TOP6BL: variants seen among roughly 807,000 people sequenced by gnomAD.
The protein encoded by TOP6BL is type 2 DNA topoisomerase 6 subunit B-like.
chr11:66,761,578 C>T, the TOP6BL span: 1 of 1,157,524 alleles, frequency 8.6e-7, no homozygotes, highest in African/African-American at 1.6e-5. Flanking sequence ...GTCTGCTCTA[C>T]TGGCTCTTGA....
chr11:66,752,075 A>G, the TOP6BL span, among the ~76,000 whole-genome samples: 2 of 149,508 alleles, frequency 1.3e-5, no homozygotes, highest in African/African-American at 2.5e-5. Context: ...TCCCTTCATC[A>G]TTATTCAGAG....
the TOP6BL span, among the ~76,000 whole-genome samples, chr11:66,805,995 T>C: frequency 2.0e-5 from 3 of 152,190 alleles, no homozygotes; most frequent in Non-Finnish European, 2.9e-5. Flanking sequence ...ATAAAGAAGA[T>C]GAGTTTGACA....
the TOP6BL span, chr11:66,814,093 C>T: frequency 3.2e-5 from 46 of 1,425,294 alleles, no homozygotes; most frequent in African/African-American, 7.1e-5. Flanking sequence ...ATGAATAGAA[C>T]GTGTGTATAA....
At chr11:66,842,947 G>C in the TOP6BL span, 1 of 1,556,154 alleles carries the variant, frequency 6.4e-7, no homozygotes, top group Non-Finnish European at 8.7e-7. Flanking sequence ...GAGCCCGTCA[G>C]AGGCCGCCCC....
chr11:66,745,555 G>A, the TOP6BL span, among the ~76,000 whole-genome samples: 1 of 152,346 alleles, frequency 6.6e-6, no homozygotes, highest in East Asian at 1.9e-4. Flanking sequence ...CACGGCCGGT[G>A]CCCAATGGGA....
At chr11:66,788,081 A>C in the TOP6BL span, 1 of 977,480 alleles carries the variant, frequency 1.0e-6, no homozygotes, top group South Asian at 1.4e-5. Flanking sequence ...TTGGCTCACC[A>C]GTTTAATAAA....
the TOP6BL span, among the ~76,000 whole-genome samples, chr11:66,823,410 G>C: frequency 6.6e-6 from 1 of 151,708 alleles, no homozygotes; most frequent in African/African-American, 2.4e-5. Context: ...ATGCTACATA[G>C]TACCAGGCTT....
the TOP6BL span, among the ~76,000 whole-genome samples, chr11:66,802,155 C>T: frequency 2.6e-5 from 4 of 151,782 alleles, no homozygotes; most frequent in Non-Finnish European, 5.9e-5. Flanking sequence ...TGCTACCATA[C>T]GCTGCTAATT....
the TOP6BL span, chr11:66,828,322 C>T: frequency 6.2e-7 from 1 of 1,613,674 alleles, no homozygotes; most frequent in African/African-American, 1.3e-5. Flanking sequence ...GTGAGATCAC[C>T]CAACACCAAT....
the TOP6BL span, chr11:66,759,105 T>C: frequency 6.6e-7 from 1 of 1,513,006 alleles, no homozygotes; most frequent in Non-Finnish European, 9.0e-7. Flanking sequence ...AGGTAAAGAA[T>C]TACCTAACTT....
chr11:66,746,397 G>C, the TOP6BL span, among the ~76,000 whole-genome samples: 1 of 151,692 alleles, frequency 6.6e-6, no homozygotes, highest in Non-Finnish European at 1.5e-5. Context: ...GACCAGCCTG[G>C]CTAACATGAG....
chr11:66,834,418 T>G, the TOP6BL span, among the ~76,000 whole-genome samples: 1 of 152,174 alleles, frequency 6.6e-6, no homozygotes, highest in Non-Finnish European at 1.5e-5. Flanking sequence ...AATAACTTGT[T>G]AGTGGTACAA....
the TOP6BL span, among the ~76,000 whole-genome samples, chr11:66,834,066 T>A: frequency 6.6e-6 from 1 of 152,230 alleles, no homozygotes; most frequent in Non-Finnish European, 1.5e-5. Context: ...CTCAAGGTCT[T>A]ACCAGTAGTC....
chr11:66,801,103 G>A, the TOP6BL span: 2 of 1,612,832 alleles, frequency 1.2e-6, no homozygotes, highest in Admixed American at 1.7e-5. Flanking sequence ...ATTATGTGAG[G>A]TGAAGGCGTA....
At chr11:66,817,587 C>T in the TOP6BL span, among the ~76,000 whole-genome samples, 11 of 152,104 alleles carry the variant, frequency 7.2e-5, no homozygotes, top group African/African-American at 1.7e-4. Context: ...TACAGGCACA[C>T]GCCACCACAC....
chr11:66,780,337 T>C, the TOP6BL span, among the ~76,000 whole-genome samples: 7 of 152,312 alleles, frequency 4.6e-5, no homozygotes, highest in African/African-American at 1.4e-4. Flanking sequence ...TTCACTTATT[T>C]ATGATTTCTG....
chr11:66,756,420 C>A, the TOP6BL span: 5 of 1,116,932 alleles, frequency 4.5e-6, 1 homozygote, highest in South Asian at 4.7e-5. Flanking sequence ...GCAACCTCCA[C>A]CTCCCAGGTT....
chr11:66,821,827 G>A, the TOP6BL span: 1 of 1,573,980 alleles, frequency 6.4e-7, no homozygotes, highest in Non-Finnish European at 8.6e-7. Context: ...AAGCATATAT[G>A]GCAGGCAGGG....
the TOP6BL span, among the ~76,000 whole-genome samples, chr11:66,757,417 A>C: frequency 6.6e-6 from 1 of 152,206 alleles, no homozygotes; most frequent in East Asian, 1.9e-4. Context: ...AGGCCTTTGG[A>C]AGTGTGTATC....
Sources: allele counts gnomAD v4.1 joint callset (sites outside exome capture counted in the v4.1 genomes callset), GRCh38; gene constraint gnomAD v4.1.1; transcripts MANE v1.5; gene names NCBI Gene and HGNC (gene_info 2026-07-23, HGNC 2026-07-21).